The following GUCY2C variants were observed in gnomAD, a reference collection of about 807,000 sequenced individuals.
The protein encoded by GUCY2C is guanylyl cyclase C.
In GUCY2C, 118 loss-of-function variants were observed where a neutral mutation model predicts 131.1. The ratio of observed to expected loss-of-function variants is 0.90; its 90% CI spans 0.78 to 1.05. The LOEUF is 1.05. Ranked by LOEUF, GUCY2C falls within the 50% of genes least tolerant of loss-of-function variation. GUCY2C has a pLI of 0.00. For missense variants in GUCY2C, 1,161 were observed against 1,304.4 expected, an observed-to-expected ratio of 0.89 and a Z score of 1.69; for synonymous variants, 452 against 457.8, an observed-to-expected ratio of 0.99 and a Z score of 0.16.
chr12:14,665,082 G>C (rs1565625904), intron 10 of GUCY2C, among the ~76,000 whole-genome samples: 1 of 152,090 alleles, frequency 6.6e-6, no homozygotes, highest in Admixed American at 6.5e-5. Context: ...CGCGGTGGCA[G>C]GTGCCTGTAA....
Position 14,622,034 on chromosome 12 carries a change from G to T in GUCY2C, c.2572C>A (p.His858Asn), listed in dbSNP as rs377440815. ...TAGACATCATGATGATCAACAATGT[G>T]GTCAAAACTCTTATAGATGTCATTA... ...MLNDIYKSFD[H>N]IVDHHDVYKV... The change falls in exon 22 of 27, where the codon CAC (histidine) becomes AAC (asparagine). Residue 858 changes from histidine (H) to asparagine (N), a missense_variant. His to Asn is a moderately conservative substitution (Grantham distance 68, BLOSUM62 1). Coordinates refer to ENST00000261170, the MANE Select transcript of GUCY2C (RefSeq NM_004963.4). 4 of 1,606,358 alleles carry T rather than the reference G, an allele frequency of 2.5e-6. No individual in the cohort carries two copies. The highest frequency in any genetic ancestry group is 2.7e-5 in the African/African-American group (2 of 74,592).
intron 19 of GUCY2C, among the ~76,000 whole-genome samples, chr12:14,635,593 A>G (rs1947251617): frequency 6.6e-6 from 1 of 152,160 alleles, no homozygotes; most frequent in Non-Finnish European, 1.5e-5. Flanking sequence ...AGGGAAAGAA[A>G]TAATAAAGGT....
At chr12:14,681,554 A>G (rs1220666878) in intron 4 of GUCY2C, 77 bp from the exon 5 acceptor site, 1 of 1,252,066 alleles carries the variant, frequency 8.0e-7, no homozygotes, top group African/African-American at 1.5e-5. Context: ...TTATTTGCAG[A>G]TCTATCCTGG....
In GUCY2C at chr12:14,688,012, T is replaced by C. The variant is rs773090552; in HGVS notation, c.269A>G (p.His90Arg). ...ATFMYSDGLI[H>R]NSGDCRSSTC... ...GCTACTCCGGCAGTCGCCTGAGTTA[T>C]GAATCAGACCATCCGAATACATGAA... The change falls in exon 2 of 27, where the codon CAT becomes CGT. Residue 90 changes from histidine to arginine, a missense_variant. By Grantham distance (29) the His-to-Arg change is conservative (BLOSUM62 0). Transcript: ENST00000261170. The C allele has an allele frequency of 1.9e-6, 3 of 1,613,898 alleles. No individual in the cohort carries two copies. The highest frequency in any genetic ancestry group is 2.2e-5 in the South Asian group (2 of 91,086).
At chr12:14,624,603 C>CT (rs1350805543) in intron 21 of GUCY2C, among the ~76,000 whole-genome samples, 1 of 152,152 alleles carries the variant, frequency 6.6e-6, no homozygotes, top group Non-Finnish European at 1.5e-5. Flanking sequence ...ACACATATTT[C>CT]TTTTTGATTC....
At chr12:14,687,051 T>G (rs1460179121) in intron 2 of GUCY2C, among the ~76,000 whole-genome samples, 1 of 152,152 alleles carries the variant, frequency 6.6e-6, no homozygotes, top group Non-Finnish European at 1.5e-5. Flanking sequence ...TTTATTTCCT[T>G]AAAGCTCTGG....
rs1403237949 is a variant in GUCY2C, at chr12:14,674,765, A to C, written c.949-5T>G. ...AAGAGCAAAGTCTCGTTTTGTCTAA[A>C]TAAAAAAGGAAAATATTAAAACGGG... On this transcript the variant is annotated splice_polypyrimidine_tract_variant and splice_region_variant and intron_variant, in intron 7 of 26. Coordinates refer to ENST00000261170, the MANE Select transcript of GUCY2C (RefSeq NM_004963.4). The C allele has an allele frequency of 6.3e-7, 1 of 1,595,064 alleles. No homozygotes were observed.
chr12:14,674,496 C>T (rs1157398196), intron 8 of GUCY2C, 129 bp downstream of exon 8: 4 of 845,728 alleles, frequency 4.7e-6, no homozygotes, highest in South Asian at 2.7e-5. Flanking sequence ...ATGATGTTTG[C>T]ATCCAGTTGA....
chr12:14,638,352 A>T (rs1410278685), intron 19 of GUCY2C, among the ~76,000 whole-genome samples: 1 of 152,196 alleles, frequency 6.6e-6, no homozygotes, highest in African/African-American at 2.4e-5. Context: ...ATGATCCACC[A>T]ATCCCCCTGC....
At chr12:14,680,296 C>T (rs1948325301) in intron 5 of GUCY2C, among the ~76,000 whole-genome samples, 1 of 152,136 alleles carries the variant, frequency 6.6e-6, no homozygotes, top group Non-Finnish European at 1.5e-5. Flanking sequence ...TGAAGTCTAC[C>T]ACTAATTTCT....
At chr12:14,656,432 C>A in intron 12 of GUCY2C, 80 bp downstream of exon 12, 1 of 724,906 alleles carries the variant, frequency 1.4e-6, no homozygotes, top group Non-Finnish European at 2.5e-6. Context: ...CTACTTGGCA[C>A]ATATCCTGCA....
At chr12:14,667,515 A>C (rs762531511) in intron 10 of GUCY2C, among the ~76,000 whole-genome samples, 1 of 152,168 alleles carries the variant, frequency 6.6e-6, no homozygotes, top group Non-Finnish European at 1.5e-5. Context: ...TACAGGAATC[A>C]TTTTGGACTT....
At position 14,641,192 on chromosome 12, in the gene GUCY2C, C is replaced by T. The variant is rs199662310; in HGVS notation, c.1958G>A (p.Arg653His). 4.9e-4 allele frequency: 794 copies of T among 1,613,346 alleles called. 1 individual carries two copies. Among genetic ancestry groups the T allele is most frequent in the Middle Eastern group, 1.1e-3 (6 of 5,704 alleles). The change falls in exon 18 of 27, where the codon CGC (arginine) becomes CAC (histidine). Residue 653 changes from arginine (R) to histidine (H), a missense_variant. Transcript: ENST00000261170. ...TCCTTTCTGAGAGATGTTGGCTTGG[C>T]GGAGGTGCTCTGGAGCTGTCCACAG... Reference protein sequence around the residue: ...KDLWTAPEHLRQANISQKGDV... With the variant: ...KDLWTAPEHLHQANISQKGDV...
chr12:14,691,714 C>T (rs1000833825), intron 1 of GUCY2C, among the ~76,000 whole-genome samples: 5 of 152,142 alleles, frequency 3.3e-5, no homozygotes, highest in Non-Finnish European at 5.9e-5. Flanking sequence ...ACTGATACAG[C>T]TAAACTCAAG....
intron 15 of GUCY2C, among the ~76,000 whole-genome samples, chr12:14,646,733 G>GT (rs1012660364): frequency 3.3e-5 from 5 of 151,992 alleles, no homozygotes; most frequent in African/African-American, 4.8e-5. Context: ...AGATTTATAT[G>GT]TTTTTTTCTG....
chr12:14,647,799 A>G (rs1260952614), intron 15 of GUCY2C, among the ~76,000 whole-genome samples: 4 of 151,886 alleles, frequency 2.6e-5, no homozygotes, highest in African/African-American at 4.8e-5. Context: ...TTTCTGACCA[A>G]TTTGGCTAAT....
chr12:14,654,762 G>A (rs948097649), intron 12 of GUCY2C, among the ~76,000 whole-genome samples: 10 of 152,176 alleles, frequency 6.6e-5, no homozygotes, highest in African/African-American at 2.2e-4. Context: ...TTGTGCAGAG[G>A]TGGAGCGTGT....
Position 14,656,495 on chromosome 12 carries a change from G to A in GUCY2C, c.1470+17C>T. On this transcript the variant is annotated intron_variant, in intron 12 of 26. Transcript: ENST00000261170. The stretch of plus-strand genomic sequence containing the variant: ...GCCAAATTGAACCCATTCTTCAACA[G>A]GTAAGGTAGGCTTTACCTTGAGGCT... The A allele has an allele frequency of 7.9e-7, 1 of 1,270,212 alleles. No individual in the cohort carries two copies. The allele number at this position is 1,270,212 out of a possible 1,614,324, so 78.7% of individuals were successfully genotyped here.
rs1947657732 is a variant in GUCY2C, at chr12:14,651,498, T to G, written c.1619A>C (p.Asp540Ala). Residue 540 changes from aspartate to alanine, a missense_variant, in exon 15 of 27, where the codon GAC becomes GCC. Physicochemically the swap from Asp to Ala is moderately radical, Grantham distance 126 (BLOSUM62 -2). Transcript: ENST00000261170. ...GTAGAACTTGGTCAGGTTGTAATAG[T>G]CAATCTGAAGCAACTAGAAGAACGT... is the stretch of plus-strand genomic sequence containing the variant. ...KIELNKLLQI[D>A]YYNLTKFYGT... 2.5e-6 allele frequency: 4 copies of G among 1,586,664 alleles called. No homozygotes were observed. Among genetic ancestry groups the G allele is most frequent in the African/African-American group, 2.7e-5 (2 of 74,406 alleles).
Sources: allele counts gnomAD v4.1 joint callset (sites outside exome capture counted in the v4.1 genomes callset), GRCh38; gene constraint gnomAD v4.1.1; transcripts MANE v1.5; gene names NCBI Gene and HGNC (gene_info 2026-07-23, HGNC 2026-07-21).